DENND2B: variants seen among roughly 807,000 people sequenced by gnomAD.
The protein encoded by DENND2B is DENN domain-containing protein 2B.
DENND2B carries 32 observed loss-of-function variants against 116.0 expected under a neutral mutation model. That is an observed-to-expected ratio of 0.28 (90% CI 0.21 to 0.37). DENND2B has a LOEUF of 0.37. Among genes scored for constraint, DENND2B ranks in the 10% least tolerant of loss-of-function variants. The pLI is 1.00. For missense variants in DENND2B, 1,276 were observed against 1,477.7 expected (o/e 0.86, Z 2.24); for synonymous variants, 588 against 583.9 (o/e 1.01, Z -0.10).
At chr11:8,810,806 G>GTCTC (rs34550908), upstream of DENND2B, 15,418 of 140,258 alleles carry the variant, frequency 0.11, 939 homozygotes, top group East Asian at 0.17. Flanking sequence ...CTTTCTCACT[G>GTCTC]TCTCTCTCTC....
At position 8,694,074 on chromosome 11, in the gene DENND2B, A is replaced by C; in HGVS notation, c.*22T>G. ...GGCTTCAGGCTCTGCAAGGCACTGGACTCTGCTACTGAGAAGGAGGCTTAA... is the reference window on the plus strand; with the variant it reads ...GGCTTCAGGCTCTGCAAGGCACTGGCCTCTGCTACTGAGAAGGAGGCTTAA... On this transcript the variant is annotated 3_prime_UTR_variant, in exon 20 of 20. Coordinates refer to ENST00000313726, the MANE Select transcript of DENND2B (RefSeq NM_213618.2). 2 of 1,613,932 alleles carry C rather than the reference A, an allele frequency of 1.2e-6. No individual in the cohort carries two copies. The highest frequency in any genetic ancestry group is 1.7e-6 in the Non-Finnish European group (2 of 1,179,956).
intron 3 of DENND2B, among the ~76,000 whole-genome samples, chr11:8,851,082 A>G (rs2062989391): frequency 6.6e-6 from 1 of 152,160 alleles, no homozygotes; most frequent in African/African-American, 2.4e-5. Flanking sequence ...GAGAGATAGG[A>G]GGAATAAATA....
rs551071893 is a variant in DENND2B, at chr11:8,906,982, C to T, written c.-256+3839G>A. Reference sequence around the variant, plus strand: ...CCACTTTTGCATCCTGGGTTTTTAACCCTTTTTGGCCCCCTTCACATAAAG... The same window carrying T: ...CCACTTTTGCATCCTGGGTTTTTAATCCTTTTTGGCCCCCTTCACATAAAG... On this transcript the variant is annotated intron_variant, in intron 1 of 22. Transcript: ENST00000534127. Among the ~76,000 whole-genome samples the T allele has an allele frequency of 3.3e-5, 5 of 152,228 alleles. No homozygotes were observed. In the South Asian group the frequency reaches 1.0e-3, roughly 32 times the overall value.
intron 1 of DENND2B, among the ~76,000 whole-genome samples, chr11:8,793,647 G>A (rs971905669): frequency 6.6e-6 from 1 of 152,002 alleles, no homozygotes; most frequent in Non-Finnish European, 1.5e-5. Flanking sequence ...CCACCTTCTC[G>A]CTGCTGTGAA....
intron 1 of DENND2B, among the ~76,000 whole-genome samples, chr11:8,752,008 T>C (rs57208947): frequency 0.055 from 8,368 of 152,310 alleles, 463 homozygotes; most frequent in African/African-American, 0.14. Flanking sequence ...TGTGATCCAG[T>C]GAAGAGTAAT....
intron 1 of DENND2B, among the ~76,000 whole-genome samples, chr11:8,757,805 G>C (rs2053875516): frequency 6.6e-6 from 1 of 152,150 alleles, no homozygotes. Flanking sequence ...ATGACCAGGT[G>C]GCCTGCACCA....
intron 4 of DENND2B, among the ~76,000 whole-genome samples, chr11:8,725,498 C>T (rs998772987): frequency 6.6e-6 from 1 of 151,994 alleles, no homozygotes; most frequent in Non-Finnish European, 1.5e-5. Flanking sequence ...CCTCAGCCTC[C>T]CTAGTAGCTG....
chr11:8,867,573 C>CGCTT (rs533466884), intron 2 of DENND2B, among the ~76,000 whole-genome samples: 1 of 89,230 alleles, frequency 1.1e-5, no homozygotes, highest in Non-Finnish European at 2.0e-5. Flanking sequence ...TAAAATTCAG[C>CGCTT]TTTTTTTTTT....
rs530487694 is a variant in DENND2B, at chr11:8,719,553, G to A, written c.1478-1661C>T. On this transcript the variant is annotated intron_variant, in intron 4 of 19. Coordinates refer to ENST00000313726, the MANE Select transcript of DENND2B (RefSeq NM_213618.2). ...CTCCATTCCAGAGCCCTGACTAAGCGGAGCTGGCCCAGCAGCCCTGTCGCA... is the reference window on the plus strand; with the variant it reads ...CTCCATTCCAGAGCCCTGACTAAGCAGAGCTGGCCCAGCAGCCCTGTCGCA... Among the ~76,000 whole-genome samples the A allele has an allele frequency of 9.8e-5, 15 of 152,296 alleles. 1 individual carries two copies. The highest frequency in any genetic ancestry group is 8.3e-4 in the South Asian group (4 of 4,824).
intron 2 of DENND2B, among the ~76,000 whole-genome samples, chr11:8,878,994 G>A (rs551779232): frequency 6.6e-6 from 1 of 152,322 alleles, no homozygotes; most frequent in East Asian, 1.9e-4. Context: ...TATAATTAAT[G>A]TCACTGAATT....
chr11:8,864,102 T>G (rs536569052), intron 2 of DENND2B, among the ~76,000 whole-genome samples: 2 of 152,274 alleles, frequency 1.3e-5, no homozygotes, highest in African/African-American at 4.8e-5. Flanking sequence ...GACTAGGCCC[T>G]GTTTACTCAC....
At chr11:8,715,313 G>A (rs1445845002) in intron 6 of DENND2B, 4 of 415,218 alleles carry the variant, frequency 9.6e-6, no homozygotes, top group Non-Finnish European at 1.8e-5. Context: ...AAATGCTTAT[G>A]TGTGCGGATA....
At chr11:8,766,022 T>C (rs1290945868) in intron 1 of DENND2B, among the ~76,000 whole-genome samples, 1 of 151,928 alleles carries the variant, frequency 6.6e-6, no homozygotes, top group Non-Finnish European at 1.5e-5. Context: ...GAGTGAGACT[T>C]CATATAAAAA....
chr11:8,710,720 A>G lies in DENND2B; in HGVS notation c.2352+125T>C, dbSNP rs541751488. The G allele has an allele frequency of 3.9e-6, 4 of 1,034,786 alleles. No individual in the cohort carries two copies. The Admixed American group carries it at 6.0e-5, about 16-fold the overall frequency. 64.1% of individuals were successfully genotyped at this position (1,034,786 alleles called of 1,614,324 possible). A position where few individuals can be genotyped will look rare whatever the true frequency, so the allele number is the denominator to read the frequency against. ...TCGGGGTGGCCTCAGGAAGCATAAC[A>G]TAGGATTTCATACAAGCTAAAATTG... On this transcript the variant is annotated intron_variant, in intron 11 of 19. Transcript: ENST00000313726.
chr11:8,858,939 C>A (rs1179137124), intron 2 of DENND2B, among the ~76,000 whole-genome samples: 3 of 152,200 alleles, frequency 2.0e-5, no homozygotes, highest in African/African-American at 7.2e-5. Context: ...CAGCCTCTGG[C>A]AGCCAGTAAA....
chr11:8,693,424 A>G lies in DENND2B; in HGVS notation c.*672T>C, dbSNP rs1197935092. 6.5e-6 allele frequency: 1 copy of G among 152,728 alleles called. No homozygotes were observed. Among genetic ancestry groups the G allele is most frequent in the Non-Finnish European group, 1.5e-5 (1 of 68,148 alleles). 9.5% of individuals were successfully genotyped at this position (152,728 alleles called of 1,614,324 possible). A position where few individuals can be genotyped will look rare whatever the true frequency, so the allele number is the denominator to read the frequency against. ...GGGAAGGAGGGATGCCCTGTACCGC[A>G]TCGTGGCCACCACTGACTGGGAGCC... On this transcript the variant is annotated 3_prime_UTR_variant, in exon 20 of 20. Transcript: ENST00000313726.
intron 2 of DENND2B, among the ~76,000 whole-genome samples, chr11:8,863,346 T>TCCCAGGTTCCCACCATTCTCCTGC (rs543669262): frequency 2.5e-5 from 2 of 81,266 alleles, no homozygotes; most frequent in Admixed American, 1.4e-4. Flanking sequence ...AAGCTCCACC[T>TCCCAGGTTCCCACCATTCTCCTGC]CTCAGCCTCC....
chr11:8,888,801 T>C (rs1445086599), intron 1 of DENND2B, among the ~76,000 whole-genome samples: 1 of 152,056 alleles, frequency 6.6e-6, no homozygotes, highest in African/African-American at 2.4e-5. Context: ...AAACAGCCAA[T>C]AACAATATGA....
intron 2 of DENND2B, among the ~76,000 whole-genome samples, chr11:8,747,885 A>T (rs1436436865): frequency 1.3e-5 from 2 of 152,222 alleles, no homozygotes; most frequent in East Asian, 3.8e-4. Context: ...AAACCTAGGG[A>T]CTGGAATCCA....
Sources: gnomAD v4.1 joint callset for allele counts (sites outside exome capture counted in the v4.1 genomes callset) on GRCh38, gnomAD v4.1.1 for gene constraint, MANE v1.5 for transcripts, NCBI Gene and HGNC (gene_info 2026-07-23, HGNC 2026-07-21) for gene names.